DIAPH3: variants seen among roughly 807,000 people sequenced by gnomAD.
DIAPH3 encodes protein diaphanous homolog 3.
In DIAPH3, 117 loss-of-function variants were observed where a neutral mutation model predicts 144.3. The ratio of observed to expected loss-of-function variants is 0.81; its 90% confidence interval spans 0.70 to 0.95. The LOEUF is 0.95. Among genes scored for constraint, DIAPH3 ranks in the 40% least tolerant of loss-of-function variants. The pLI is 0.00. For missense variants in DIAPH3, 1,421 were observed against 1,412.7 expected, an observed-to-expected ratio of 1.01 and a Z score of -0.09; for synonymous variants, 519 against 488.9, an observed-to-expected ratio of 1.06 and a Z score of -0.81.
chr13:60,028,230 C>T (rs1430369292), intron 5 of DIAPH3, among the ~76,000 whole-genome samples: 1 of 152,064 alleles, frequency 6.6e-6, no homozygotes, highest in East Asian at 1.9e-4. Context: ...CAAAAGGTCT[C>T]AAAAAATTTC....
At chr13:59,980,704 A>G in intron 14 of DIAPH3, 91 bp downstream of exon 14, 1 of 1,160,554 alleles carries the variant, frequency 8.6e-7, no homozygotes, top group Admixed American at 1.8e-5. Flanking sequence ...GATAAAGAAG[A>G]AAGAACGAAT....
chr13:59,708,621 C>T (rs1199466764), intron 27 of DIAPH3, among the ~76,000 whole-genome samples: 5 of 152,016 alleles, frequency 3.3e-5, no homozygotes, highest in Non-Finnish European at 7.3e-5. Context: ...TCCGCCCTTC[C>T]TCCTGAGCCC....
intron 25 of DIAPH3, among the ~76,000 whole-genome samples, chr13:59,776,971 C>T (rs1258120766): frequency 6.6e-6 from 1 of 152,104 alleles, no homozygotes; most frequent in Admixed American, 6.6e-5. Flanking sequence ...TTTCCTATAA[C>T]ACTATAGTAG....
chr13:59,878,110 T>C (rs1318288615), intron 21 of DIAPH3, among the ~76,000 whole-genome samples: 2 of 152,128 alleles, frequency 1.3e-5, no homozygotes, highest in African/African-American at 4.8e-5. Flanking sequence ...ACATTAAAGA[T>C]AGAATCTAAA....
intron 5 of DIAPH3, among the ~76,000 whole-genome samples, chr13:60,018,377 C>A (rs1003274330): frequency 6.6e-6 from 1 of 152,108 alleles, no homozygotes; most frequent in Admixed American, 6.5e-5. Flanking sequence ...TTATGACCCA[C>A]TATAAAATTT....
In DIAPH3 at chr13:59,686,739, T is replaced by C. The variant is rs144834444; in HGVS notation, c.3320-19893A>G. 1.5e-3 allele frequency among the ~76,000 whole-genome samples: 232 copies of C among 152,128 alleles called. 1 individual carries two copies. Among genetic ancestry groups the C allele is most frequent in the South Asian group, 4.4e-3 (21 of 4,826 alleles). On this transcript the variant is annotated intron_variant, in intron 27 of 27. Transcript: ENST00000400324. ...CTTTTGCCTGGCTTGTGTCAGAGGT[T>C]TATCAATTTACACAACCAGGGTAAG...
chr13:59,706,332 T>C lies in DIAPH3; in HGVS notation c.3320-39486A>G, dbSNP rs371553790. On this transcript the variant is annotated intron_variant, in intron 27 of 27. Transcript: ENST00000400324. ...GGTCAACTGCACATCTTTTACATCATATAATTTTTGAATCACCCTCTAACA... is the reference window on the plus strand; with the variant it reads ...GGTCAACTGCACATCTTTTACATCACATAATTTTTGAATCACCCTCTAACA... 3.9e-4 allele frequency among the ~76,000 whole-genome samples: 59 copies of C among 152,258 alleles called. 1 individual carries two copies. The South Asian group carries it at 0.012, about 30-fold the overall frequency.
intron 15 of DIAPH3, 32 bp from the exon 16 acceptor site, chr13:59,971,192 A>T: frequency 6.5e-7 from 1 of 1,545,030 alleles, no homozygotes; most frequent in Non-Finnish European, 8.8e-7. Flanking sequence ...GACATAACTA[A>T]GAACATATCT....
At chr13:59,764,926 T>G (rs1043277801) in intron 27 of DIAPH3, among the ~76,000 whole-genome samples, 4 of 152,128 alleles carry the variant, frequency 2.6e-5, no homozygotes, top group Non-Finnish European at 4.4e-5. Context: ...AAATAATACA[T>G]CTGGATTCCA....
chr13:59,989,615 A>G (rs1202508337), intron 12 of DIAPH3, among the ~76,000 whole-genome samples: 2 of 152,038 alleles, frequency 1.3e-5, no homozygotes, highest in African/African-American at 4.8e-5. Flanking sequence ...AAGATGGCCA[A>G]ATATCTAAAT....
chr13:59,759,934 T>G (rs1291665469), intron 27 of DIAPH3, among the ~76,000 whole-genome samples: 5 of 150,452 alleles, frequency 3.3e-5, no homozygotes, highest in African/African-American at 1.2e-4. Flanking sequence ...GGAGACAGTG[T>G]GAGACTCCAT....
chr13:60,106,930 A>AT (rs1405201519), intron 3 of DIAPH3, among the ~76,000 whole-genome samples: 1 of 152,162 alleles, frequency 6.6e-6, no homozygotes, highest in Non-Finnish European at 1.5e-5. Flanking sequence ...TTTCAAATTC[A>AT]TAAAATACAA....
intron 21 of DIAPH3, among the ~76,000 whole-genome samples, chr13:59,862,034 G>A (rs1215104067): frequency 6.6e-6 from 1 of 152,170 alleles, no homozygotes; most frequent in Non-Finnish European, 1.5e-5. Context: ...TTTCATTTAG[G>A]AGGACATGAC....
chr13:59,735,103 A>T (rs1044537053), intron 27 of DIAPH3, among the ~76,000 whole-genome samples: 1 of 151,562 alleles, frequency 6.6e-6, no homozygotes, highest in Non-Finnish European at 1.5e-5. Flanking sequence ...AGACTTCTTG[A>T]AAAACAGAAT....
At chr13:59,801,723 C>A (rs896058377) in intron 25 of DIAPH3, among the ~76,000 whole-genome samples, 1 of 152,168 alleles carries the variant, frequency 6.6e-6, no homozygotes, top group African/African-American at 2.4e-5. Flanking sequence ...AACTCTGTTA[C>A]TATCATATTG....
At chr13:59,919,679 A>G in intron 18 of DIAPH3, among the ~76,000 whole-genome samples, 1 of 152,148 alleles carries the variant, frequency 6.6e-6, no homozygotes, top group East Asian at 1.9e-4. Context: ...CAGTTGAAAG[A>G]AAAGGATGAT....
At chr13:59,876,095 A>C (rs1566451377) in intron 21 of DIAPH3, among the ~76,000 whole-genome samples, 2 of 152,316 alleles carry the variant, frequency 1.3e-5, no homozygotes, top group East Asian at 3.9e-4. Context: ...AGCATGTTTT[A>C]ACAGATTAAA....
intron 27 of DIAPH3, among the ~76,000 whole-genome samples, chr13:59,677,777 A>AT (rs1457507868): frequency 6.6e-6 from 1 of 152,182 alleles, no homozygotes; most frequent in Admixed American, 6.5e-5. Context: ...TTTTATTGTG[A>AT]TTTTGTTTCA....
intron 4 of DIAPH3, among the ~76,000 whole-genome samples, chr13:60,055,628 C>T (rs191340182): frequency 6.6e-6 from 1 of 151,754 alleles, no homozygotes; most frequent in Non-Finnish European, 1.5e-5. Context: ...GAAAAAAAGA[C>T]AATATCTCTA....
Sources: gnomAD v4.1 joint callset for allele counts (sites outside exome capture counted in the v4.1 genomes callset) on GRCh38, gnomAD v4.1.1 for gene constraint, MANE v1.5 for transcripts, NCBI Gene and HGNC (gene_info 2026-07-23, HGNC 2026-07-21) for gene names.